CPXM2: variants seen among roughly 807,000 people sequenced by gnomAD.
The protein encoded by CPXM2 is carboxypeptidase X, M14 family member 2, also known as inactive carboxypeptidase-like protein X2.
A neutral mutation model predicts 86.1 loss-of-function variants in CPXM2; 66 were observed. The observed-to-expected ratio is 0.77, with a 90% confidence interval of 0.63 to 0.94. The LOEUF (loss-of-function observed/expected upper bound fraction) is 0.94, where lower values mean the gene tolerates loss of function less well. Ranked by LOEUF, CPXM2 falls within the 40% of genes least tolerant of loss-of-function variation. The pLI, the probability that CPXM2 is intolerant of heterozygous loss-of-function variation, is 0.00. For missense variants in CPXM2, 948 were observed against 1,026.3 expected, an observed-to-expected ratio of 0.92 and a Z score of 1.04; for synonymous variants, 388 against 400.2, an observed-to-expected ratio of 0.97 and a Z score of 0.36.
intron 2 of CPXM2, among the ~76,000 whole-genome samples, chr10:123,878,417 A>AAC (rs201640333): frequency 0.04 from 5,964 of 148,932 alleles, 163 homozygotes; most frequent in East Asian, 0.11. Flanking sequence ...ATCCCAACCT[A>AAC]ATAGCTTTGA....
intron 7 of CPXM2, among the ~76,000 whole-genome samples, chr10:123,773,664 A>G (rs1846711705): frequency 1.3e-5 from 2 of 152,232 alleles, no homozygotes; most frequent in Non-Finnish European, 2.9e-5. Context: ...AATAAGAGGC[A>G]TGCAATGACC....
Position 123,746,771 on chromosome 10 carries a change from C to T in CPXM2, c.2264G>A (p.Arg755His), listed in dbSNP as rs750948954. 6.9e-5 allele frequency: 111 copies of T among 1,613,950 alleles called. No homozygotes were observed. Among genetic ancestry groups the T allele is most frequent in the South Asian group, 4.7e-4 (43 of 91,070 alleles). The stretch of plus-strand genomic sequence containing the variant: ...CTCAAGGGCCCAGGAGGGTCACCCA[C>T]GCTGTCGTCTCTTCTGCCCCCGCAG... Reference protein sequence around the residue: ...LKLRGQKRRQRG With the variant: ...LKLRGQKRRQHG The change falls in exon 14 of 14, where the codon CGT (arginine) becomes CAT (histidine). Residue 755 changes from arginine to histidine, a missense_variant. Coordinates refer to ENST00000241305, the MANE Select transcript of CPXM2 (RefSeq NM_198148.3).
At chr10:123,849,434 A>G (rs1247720811) in intron 3 of CPXM2, among the ~76,000 whole-genome samples, 1 of 111,262 alleles carries the variant, frequency 9.0e-6, no homozygotes, top group Admixed American at 9.7e-5. Context: ...CTTAACGTTC[A>G]CTCTTTTTTT....
At chr10:123,826,562 A>C (rs1848051116) in intron 4 of CPXM2, among the ~76,000 whole-genome samples, 1 of 152,188 alleles carries the variant, frequency 6.6e-6, no homozygotes, top group Admixed American at 6.5e-5. Flanking sequence ...ACCATTGTTC[A>C]TAATAGGATG....
intron 2 of CPXM2, among the ~76,000 whole-genome samples, chr10:123,926,605 G>A (rs1486465817): frequency 6.6e-6 from 1 of 152,194 alleles, no homozygotes; most frequent in Non-Finnish European, 1.5e-5. Flanking sequence ...AAACGGTTTA[G>A]CTTTCTGCAA....
rs1480535072 is a variant in CPXM2, at chr10:123,885,902, A to T, written c.304+5454T>A. Reference sequence around the variant, plus strand: ...GAGGCATACAGAAAACACAGTGGCTATTTTTAAGAACCACAGCATGCAGTC... The same window carrying T: ...GAGGCATACAGAAAACACAGTGGCTTTTTTTAAGAACCACAGCATGCAGTC... On this transcript the variant is annotated intron_variant, in intron 1 of 13. Transcript: ENST00000241305. The surrounding 1 kb of genome is among the most constrained non-coding windows in gnomAD (Gnocchi z 4.0). 2.0e-5 allele frequency among the ~76,000 whole-genome samples: 3 copies of T among 152,244 alleles called. No homozygotes were observed. Among genetic ancestry groups the T allele is most frequent in the African/African-American group, 7.2e-5 (3 of 41,478 alleles).
chr10:123,805,133 T>C (rs1032950219), intron 4 of CPXM2, among the ~76,000 whole-genome samples: 1 of 152,042 alleles, frequency 6.6e-6, no homozygotes, highest in East Asian at 1.9e-4. Context: ...ATATATATTG[T>C]CTTTAGGTTG....
At chr10:123,895,696 T>G (rs954714099), upstream of CPXM2, among the ~76,000 whole-genome samples, 1 of 152,176 alleles carries the variant, frequency 6.6e-6, no homozygotes, top group Non-Finnish European at 1.5e-5. Flanking sequence ...CTCCGCGTAG[T>G]GTAAGTAGAA....
intron 3 of CPXM2, among the ~76,000 whole-genome samples, chr10:123,857,033 A>G (rs1848740960): frequency 1.3e-5 from 2 of 152,198 alleles, no homozygotes; most frequent in South Asian, 4.1e-4. Context: ...CAAGTGAGTT[A>G]GTATAAAGGG....
intron 3 of CPXM2, among the ~76,000 whole-genome samples, chr10:123,845,031 CACTCTAGCCTGGGTGACAGAGCAAG>C (rs1162844896): frequency 3.3e-5 from 5 of 149,586 alleles, no homozygotes; most frequent in Admixed American, 2.0e-4. Context: ...TGCACCACTG[CACTCTAGCCTGGGTGACAGAGCAAG>C]ACTCAGTCTC....
chr10:123,934,380 C>A (rs1223897916), intron 2 of CPXM2, among the ~76,000 whole-genome samples: 1 of 152,030 alleles, frequency 6.6e-6, no homozygotes, highest in Admixed American at 6.6e-5. Flanking sequence ...CTCCTGGTAT[C>A]CCTTGCCTTT....
chr10:123,869,508 C>T (rs776599401), intron 2 of CPXM2, among the ~76,000 whole-genome samples: 1 of 152,194 alleles, frequency 6.6e-6, no homozygotes, highest in Non-Finnish European at 1.5e-5. Context: ...AGATGTGTCA[C>T]AATCTAGAGG....
At chr10:123,762,628 G>T (rs1846372835) in intron 10 of CPXM2, among the ~76,000 whole-genome samples, 1 of 152,158 alleles carries the variant, frequency 6.6e-6, no homozygotes, top group South Asian at 2.1e-4. Flanking sequence ...ACAGGAACTG[G>T]TTAAGTGTCA....
chr10:123,842,231 C>T, intron 4 of CPXM2, 118 bp downstream of exon 4: 1 of 1,340,722 alleles, frequency 7.5e-7, no homozygotes, highest in Non-Finnish European at 1.0e-6. Context: ...CCAATTTTCT[C>T]CTCTTCTACT....
chr10:123,784,435 C>G (rs1476572700), intron 6 of CPXM2, among the ~76,000 whole-genome samples: 1 of 152,176 alleles, frequency 6.6e-6, no homozygotes, highest in African/African-American at 2.4e-5. Flanking sequence ...TAGGAAGCTA[C>G]CACCTGCCCT....
At chr10:123,932,704 C>T (rs779695179) in intron 2 of CPXM2, among the ~76,000 whole-genome samples, 40 of 152,278 alleles carry the variant, frequency 2.6e-4, no homozygotes, top group Admixed American at 3.3e-4. Context: ...ACATAAGGAA[C>T]GCAAGAGCCT....
At chr10:123,774,461 G>A (rs148971718) in intron 7 of CPXM2, among the ~76,000 whole-genome samples, 73 of 152,350 alleles carry the variant, frequency 4.8e-4, no homozygotes, top group African/African-American at 1.7e-3. Flanking sequence ...TAAAATTTAT[G>A]ATACGTTGGA....
At chr10:123,919,736 G>A (rs185539768) in intron 2 of CPXM2, among the ~76,000 whole-genome samples, 1 of 152,198 alleles carries the variant, frequency 6.6e-6, no homozygotes, top group Non-Finnish European at 1.5e-5. Context: ...CTGGGACTGG[G>A]TAATTTATAA....
chr10:123,848,349 A>C (rs1160685062), intron 3 of CPXM2, among the ~76,000 whole-genome samples: 2 of 152,194 alleles, frequency 1.3e-5, no homozygotes, highest in Non-Finnish European at 2.9e-5. Flanking sequence ...TCCAACCTTA[A>C]TCATCGGTAA....
Sources: gnomAD v4.1 joint callset for allele counts (sites outside exome capture counted in the v4.1 genomes callset) on GRCh38, gnomAD v4.1.1 for gene constraint, Gnocchi (gnomAD v3.1) non-coding constraint, MANE v1.5 for transcripts, NCBI Gene and HGNC (gene_info 2026-07-23, HGNC 2026-07-21) for gene names.